The following TRIM55 variants were observed in gnomAD, a reference collection of about 807,000 sequenced individuals.
The protein encoded by TRIM55 is tripartite motif-containing protein 55.
TRIM55 carries 50 observed loss-of-function variants against 60.9 expected under a neutral mutation model. That is an observed-to-expected ratio of 0.82 (90% CI 0.65 to 1.04). The LOEUF is 1.04. Among genes scored for constraint, TRIM55 ranks in the 50% least tolerant of loss-of-function variants. TRIM55 has a pLI of 0.00. For missense variants in TRIM55, 681 were observed against 666.9 expected (o/e 1.02, Z -0.23); for synonymous variants, 237 against 238.1 (o/e 1.00, Z 0.04).
At chr8:66,124,052 C>A (rs1166629433), upstream of TRIM55, among the ~76,000 whole-genome samples, 1 of 152,158 alleles carries the variant, frequency 6.6e-6, no homozygotes, top group African/African-American at 2.4e-5. Context: ...TGCAGCCTCT[C>A]ACTACATCGT....
At chr8:66,140,883 T>C (rs1366844212) in intron 4 of TRIM55, among the ~76,000 whole-genome samples, 1 of 152,250 alleles carries the variant, frequency 6.6e-6, no homozygotes, top group Non-Finnish European at 1.5e-5. Flanking sequence ...AGAGCTGTTG[T>C]TAAAGAATTC....
At chr8:66,131,264 T>C (rs1433327757) in intron 2 of TRIM55, among the ~76,000 whole-genome samples, 1 of 152,102 alleles carries the variant, frequency 6.6e-6, no homozygotes, top group East Asian at 1.9e-4. Context: ...TACACAACTT[T>C]TAGAATTCAT....
chr8:66,164,586 T>TCCCTTCCCCTTTC (rs1051352309), intron 9 of TRIM55, among the ~76,000 whole-genome samples: 25 of 152,134 alleles, frequency 1.6e-4, no homozygotes, highest in Admixed American at 3.9e-4. Flanking sequence ...GTGCAAATAG[T>TCCCTTCCCCTTTC]CCCTTCCCCT....
Position 66,174,653 on chromosome 8 carries a change from A to G in TRIM55, c.*60A>G, listed in dbSNP as rs760393578. On this transcript the variant is annotated 3_prime_UTR_variant, in exon 10 of 10. Transcript: ENST00000315962. ...GCTGAGATGCATGTGGGCAGCAGGA[A>G]GCCCAAGTGAAATTAATATTATGCA... The G allele has an allele frequency of 1.6e-5, 23 of 1,480,212 alleles. No individual in the cohort carries two copies. The highest frequency in any genetic ancestry group is 1.9e-5 in the Non-Finnish European group (21 of 1,118,252). The allele number at this position is 1,480,212 out of a possible 1,614,324, so 91.7% of individuals were successfully genotyped here.
At position 66,128,972 on chromosome 8, in the gene TRIM55, A is replaced by G. The variant is rs373173281; in HGVS notation, c.341+496A>G. Among the ~76,000 whole-genome samples, 13 of 152,302 alleles carry G rather than the reference A, an allele frequency of 8.5e-5. No homozygotes were observed. In the East Asian group the frequency reaches 2.3e-3, roughly 27 times the overall value. On this transcript the variant is annotated intron_variant, in intron 2 of 9. Coordinates refer to ENST00000315962, the MANE Select transcript of TRIM55 (RefSeq NM_184085.2). ...ATGATAATAAAAACAAAATCCTCTA[A>G]CATAGGTTGTCACTGTATTTACTCT...
In TRIM55 at chr8:66,128,285, T is replaced by C; in HGVS notation, c.169-19T>C. 6.4e-7 allele frequency: 1 copy of C among 1,559,772 alleles called. No homozygotes were observed. Among genetic ancestry groups the C allele is most frequent in the East Asian group, 2.3e-5 (1 of 43,896 alleles). ...TTGTGGCATTACCCAATTCCTTTTT[T>C]CTTACTTGGCAAGAACAGGCCTCTA... is the stretch of plus-strand genomic sequence containing the variant. On this transcript the variant is annotated intron_variant, in intron 1 of 9. Coordinates refer to ENST00000315962, the MANE Select transcript of TRIM55 (RefSeq NM_184085.2).
At chr8:66,120,421 G>T in the TRIM55 span, among the ~76,000 whole-genome samples, 1 of 152,148 alleles carries the variant, frequency 6.6e-6, no homozygotes. Context: ...GGGAAGGGGG[G>T]TTGGGGCTAG....
At chr8:66,123,132 T>A (rs1467563626), upstream of TRIM55, among the ~76,000 whole-genome samples, 1 of 152,220 alleles carries the variant, frequency 6.6e-6, no homozygotes, top group Non-Finnish European at 1.5e-5. Context: ...AGACATATCT[T>A]ACTATAAATT....
chr8:66,154,322 A>C lies in TRIM55; in HGVS notation c.1512A>C (p.Ala504=). 6.2e-7 allele frequency: 1 copy of C among 1,614,048 alleles called. No homozygotes were observed. The highest frequency in any genetic ancestry group is 8.5e-7 in the Non-Finnish European group (1 of 1,179,960). Residue 504 remains alanine, a synonymous_variant, in exon 9 of 10, where the codon GCA becomes GCC. Coordinates refer to ENST00000315962, the MANE Select transcript of TRIM55 (RefSeq NM_184085.2). ...GTGGTAAGGAAACTAGTGCACCTGC[A>C]GCTACTTCTCAGGTTAGTGATGATG... is the stretch of plus-strand genomic sequence containing the variant. ...AVSGKETSAP[A]ATSQIGFEAP... is the part of the protein sequence containing the mutation.
intron 7 of TRIM55, among the ~76,000 whole-genome samples, chr8:66,150,704 T>TGCAATGGCCTCTAG (rs1247074314): frequency 6.6e-6 from 1 of 152,148 alleles, no homozygotes; most frequent in East Asian, 1.9e-4. Flanking sequence ...TCTCACTCTG[T>TGCAATGGCCTCTAG]TGCCCAGCCT....
In TRIM55 at chr8:66,146,101, G is replaced by A. The variant is rs60080657; in HGVS notation, c.604-3544G>A. Among the ~76,000 whole-genome samples, 503 of 152,296 alleles carry A rather than the reference G, an allele frequency of 3.3e-3. 3 individuals carry two copies. Among genetic ancestry groups the A allele is most frequent in the African/African-American group, 0.011 (455 of 41,564 alleles). On this transcript the variant is annotated intron_variant, in intron 4 of 9. Coordinates refer to ENST00000315962, the MANE Select transcript of TRIM55 (RefSeq NM_184085.2). ...CTGAATAATTCAGGTTAAGGAATTT[G>A]TACCTAAATTTAATAGACACTGATC... is the stretch of plus-strand genomic sequence containing the variant.
intron 9 of TRIM55, among the ~76,000 whole-genome samples, chr8:66,169,437 C>T (rs535302707): frequency 6.6e-6 from 1 of 152,324 alleles, no homozygotes; most frequent in East Asian, 1.9e-4. Flanking sequence ...AAAAAAATCA[C>T]TCATCACATT....
At chr8:66,161,570 G>T (rs1811051893) in intron 9 of TRIM55, among the ~76,000 whole-genome samples, 1 of 151,918 alleles carries the variant, frequency 6.6e-6, no homozygotes, top group African/African-American at 2.4e-5. Context: ...AAGAATGATG[G>T]TGTATTTTGA....
At chr8:66,134,840 T>G in intron 2 of TRIM55, 150 bp from the exon 3 acceptor site, 1 of 759,218 alleles carries the variant, frequency 1.3e-6, no homozygotes. Context: ...GCTCTGAGCA[T>G]GTGAAAGGGC....
the TRIM55 span, chr8:66,113,498 T>C: frequency 1.5e-5 from 7 of 455,982 alleles, no homozygotes; most frequent in African/African-American, 8.0e-5. Flanking sequence ...CGATGACTTA[T>C]GGCACTTTCC....
intron 2 of TRIM55, among the ~76,000 whole-genome samples, chr8:66,132,235 G>C (rs994550000): frequency 1.3e-5 from 2 of 152,158 alleles, no homozygotes; most frequent in Non-Finnish European, 2.9e-5. Flanking sequence ...CAGATCACCT[G>C]AGGTCAGGAG....
At chr8:66,134,727 G>T (rs1053961022) in intron 2 of TRIM55, among the ~76,000 whole-genome samples, 4 of 152,052 alleles carry the variant, frequency 2.6e-5, no homozygotes, top group African/African-American at 7.2e-5. Context: ...ATGGGCAAAT[G>T]GTACAAATCA....
chr8:66,142,920 G>T (rs977139225), intron 4 of TRIM55, among the ~76,000 whole-genome samples: 17 of 152,196 alleles, frequency 1.1e-4, no homozygotes, highest in African/African-American at 3.9e-4. Flanking sequence ...GGCTGGATTT[G>T]ATTTTCTTGG....
At chr8:66,131,305 C>T (rs974956523) in intron 2 of TRIM55, among the ~76,000 whole-genome samples, 1 of 152,194 alleles carries the variant, frequency 6.6e-6, no homozygotes, top group African/African-American at 2.4e-5. Context: ...GAAATGCAGT[C>T]TCCACTCTGT....
Sources: allele counts gnomAD v4.1 joint callset (sites outside exome capture counted in the v4.1 genomes callset), GRCh38; gene constraint gnomAD v4.1.1; transcripts MANE v1.5; gene names NCBI Gene and HGNC (gene_info 2026-07-23, HGNC 2026-07-21).